JAZF1: variants seen among roughly 807,000 people sequenced by gnomAD.
JAZF1 encodes the protein juxtaposed with another zinc finger protein 1.
A neutral mutation model predicts 26.4 loss-of-function variants in JAZF1; 8 were observed. That is an observed-to-expected ratio of 0.30 (90% CI 0.18 to 0.55). JAZF1 has a LOEUF of 0.55. Among genes scored for constraint, JAZF1 ranks in the 20% least tolerant of loss-of-function variants. The pLI is 0.94. For missense variants in JAZF1, 199 were observed against 322.0 expected (o/e 0.62, Z 2.92); for synonymous variants, 126 against 122.3 (o/e 1.03, Z -0.20).
At chr7:27,996,356 T>TATTCAAATTC in intron 1 of JAZF1, among the ~76,000 whole-genome samples, 1 of 152,150 alleles carries the variant, frequency 6.6e-6, no homozygotes, top group Non-Finnish European at 1.5e-5. Flanking sequence ...TTTGAGAACT[T>TATTCAAATTC]GTTCAAATTC....
chr7:27,957,779 C>G (rs1329889214), intron 2 of JAZF1, among the ~76,000 whole-genome samples: 1 of 152,168 alleles, frequency 6.6e-6, no homozygotes, highest in African/African-American at 2.4e-5. Flanking sequence ...TAGACTATGA[C>G]AAATCATAAA....
chr7:27,893,520 G>A (rs531936187), intron 3 of JAZF1, among the ~76,000 whole-genome samples: 2 of 152,278 alleles, frequency 1.3e-5, no homozygotes, highest in Admixed American at 1.3e-4. Context: ...CCTCCATGGA[G>A]CCTTTGCAGA....
intron 1 of JAZF1, among the ~76,000 whole-genome samples, chr7:28,128,245 T>C (rs536532911): frequency 6.6e-6 from 1 of 152,190 alleles, no homozygotes; most frequent in East Asian, 1.9e-4. Flanking sequence ...CATATTCGAC[T>C]GGGCGCAGTG....
intron 1 of JAZF1, among the ~76,000 whole-genome samples, chr7:28,059,935 TTTTAAACA>T (rs1783771846): frequency 6.6e-6 from 1 of 152,232 alleles, no homozygotes; most frequent in Non-Finnish European, 1.5e-5. Context: ...TACGGATCTC[TTTTAAACA>T]TTTAGTCGTG....
At chr7:27,915,695 A>T (rs1784435891) in intron 2 of JAZF1, among the ~76,000 whole-genome samples, 1 of 152,248 alleles carries the variant, frequency 6.6e-6, no homozygotes, top group African/African-American at 2.4e-5. Context: ...ATCCAAAACA[A>T]ATCATAACTC....
intron 1 of JAZF1, among the ~76,000 whole-genome samples, chr7:28,053,936 GAAA>G (rs749203859): frequency 5.3e-5 from 8 of 151,930 alleles, no homozygotes; most frequent in Non-Finnish European, 7.4e-5. Flanking sequence ...AAAGCAAAAA[GAAA>G]AGGAAAAAAG....
At chr7:27,983,131 C>T (rs941621353) in intron 2 of JAZF1, among the ~76,000 whole-genome samples, 9 of 152,098 alleles carry the variant, frequency 5.9e-5, no homozygotes, top group African/African-American at 2.2e-4. Flanking sequence ...TTCAGATGAC[C>T]GGTAATAACA....
intron 2 of JAZF1, among the ~76,000 whole-genome samples, chr7:27,911,899 A>C (rs1025329332): frequency 8.5e-5 from 13 of 152,200 alleles, no homozygotes; most frequent in African/African-American, 2.9e-4. Context: ...TATTTTTTTC[A>C]GACAATATTT....
intron 3 of JAZF1, among the ~76,000 whole-genome samples, chr7:27,892,259 G>T (rs1227349480): frequency 6.6e-6 from 1 of 152,170 alleles, no homozygotes; most frequent in Non-Finnish European, 1.5e-5. Flanking sequence ...TCTTACAGCA[G>T]CAAATAACTT....
chr7:27,992,268 C>T (rs962846162), intron 1 of JAZF1: 4 of 508,056 alleles, frequency 7.9e-6, no homozygotes, highest in Non-Finnish European at 1.2e-5. Context: ...TCACTGCTTA[C>T]AGTTACAATG....
chr7:27,894,044 C>T (rs192011901), intron 3 of JAZF1, among the ~76,000 whole-genome samples: 8 of 152,314 alleles, frequency 5.3e-5, no homozygotes, highest in Admixed American at 2.0e-4. Flanking sequence ...TTTTGTTCTT[C>T]GTCTATGACT....
At chr7:28,081,296 G>A (rs1784132905) in intron 1 of JAZF1, among the ~76,000 whole-genome samples, 1 of 152,186 alleles carries the variant, frequency 6.6e-6, no homozygotes, top group Non-Finnish European at 1.5e-5. Context: ...CAGATAAACA[G>A]TAAATGAAGA....
intron 1 of JAZF1, among the ~76,000 whole-genome samples, chr7:28,043,848 G>A (rs1029916308): frequency 6.6e-6 from 1 of 152,144 alleles, no homozygotes; most frequent in East Asian, 1.9e-4. Flanking sequence ...GATGAACCTT[G>A]AAAACATTAT....
At chr7:27,834,092 A>G (rs1782760855) in intron 4 of JAZF1, among the ~76,000 whole-genome samples, 3 of 152,180 alleles carry the variant, frequency 2.0e-5, no homozygotes, top group Admixed American at 1.3e-4. Context: ...CCCTTGCCCA[A>G]CTGAAGGATT....
chr7:27,895,635 A>C (rs215), intron 2 of JAZF1, among the ~76,000 whole-genome samples: 144,880 of 152,178 alleles, frequency 0.95, 69,073 homozygotes, highest in East Asian at 1. Flanking sequence ...TCCATTTCTT[A>C]CCCAGCAAAT....
chr7:27,858,423 A>G (rs1280210714), intron 3 of JAZF1, among the ~76,000 whole-genome samples: 3 of 152,234 alleles, frequency 2.0e-5, no homozygotes, highest in African/African-American at 7.2e-5. Flanking sequence ...CATATAGCCA[A>G]GACAATCCTA....
At chr7:27,932,007 TG>T (rs1199136825) in intron 2 of JAZF1, among the ~76,000 whole-genome samples, 3 of 152,232 alleles carry the variant, frequency 2.0e-5, no homozygotes, top group African/African-American at 7.2e-5. Context: ...TGGTTCATCA[TG>T]GGCTCAGTCC....
chr7:28,020,586 G>A (rs17156205), intron 1 of JAZF1: 17,586 of 471,106 alleles, frequency 0.037, 572 homozygotes, highest in African/African-American at 0.092. Flanking sequence ...ATGCATATTC[G>A]TACAACAACC....
chr7:27,970,148 C>T (rs1359112017), intron 2 of JAZF1, among the ~76,000 whole-genome samples: 3 of 152,150 alleles, frequency 2.0e-5, no homozygotes, highest in African/African-American at 7.2e-5. Flanking sequence ...GGGTTATATA[C>T]ATTTTGGTTT....
Sources: gnomAD v4.1 joint callset for allele counts (sites outside exome capture counted in the v4.1 genomes callset) on GRCh38, gnomAD v4.1.1 for gene constraint, MANE v1.5 for transcripts, NCBI Gene and HGNC (gene_info 2026-07-23, HGNC 2026-07-21) for gene names.